MSH3: variants seen among roughly 807,000 people sequenced by gnomAD.
MSH3 encodes the protein mutS homolog 3, also known as DNA mismatch repair protein Msh3.
MSH3 carries 106 observed loss-of-function variants against 123.3 expected under a neutral mutation model. The ratio of observed to expected loss-of-function variants is 0.86; its 90% CI spans 0.73 to 1.01. MSH3 has a LOEUF of 1.01. Ranked by LOEUF, MSH3 falls within the 50% of genes least tolerant of loss-of-function variation. The probability of loss-of-function intolerance (pLI) is 0.00; values close to 1 mark genes in which losing one functional copy is unlikely to be tolerated. For missense variants in MSH3, 1,459 were observed against 1,347.6 expected (o/e 1.08, Z -1.29); for synonymous variants, 515 against 481.4 (o/e 1.07, Z -0.91).
intron 20 of MSH3, among the ~76,000 whole-genome samples, chr5:80,823,280 C>G (rs1045934385): frequency 1.3e-5 from 2 of 152,032 alleles, no homozygotes; most frequent in Non-Finnish European, 2.9e-5. Context: ...ACCTCCTCAC[C>G]CTCACAAACT....
intron 17 of MSH3, 120 bp downstream of exon 17, chr5:80,778,956 T>C: frequency 1.5e-6 from 1 of 671,902 alleles, no homozygotes; most frequent in Non-Finnish European, 2.6e-6. Context: ...AATAGTTGAG[T>C]ACATGTGTTC....
intron 19 of MSH3, among the ~76,000 whole-genome samples, chr5:80,800,367 G>C (rs1458270722): frequency 1.3e-5 from 2 of 152,208 alleles, no homozygotes; most frequent in African/African-American, 4.8e-5. Flanking sequence ...TTCCCAGTAG[G>C]CTCCAGAGTG....
At chr5:80,698,563 C>G (rs79036182) in intron 8 of MSH3, among the ~76,000 whole-genome samples, 29 of 152,184 alleles carry the variant, frequency 1.9e-4, no homozygotes, top group Non-Finnish European at 3.8e-4. Context: ...AGAGAGCGTG[C>G]TTTTCTTAGG....
chr5:80,776,941 C>CT (rs1163616283), intron 16 of MSH3, among the ~76,000 whole-genome samples: 5 of 119,026 alleles, frequency 4.2e-5, no homozygotes, highest in Middle Eastern at 4.7e-3. Context: ...TTTTTTTTTT[C>CT]TTTTTTTTAA....
intron 19 of MSH3, among the ~76,000 whole-genome samples, chr5:80,799,499 A>ATT (rs1744753802): frequency 2.8e-4 from 11 of 39,030 alleles, no homozygotes; most frequent in African/African-American, 1.1e-3. Flanking sequence ...GGAAGATAGC[A>ATT]CTTTTTTTTT....
At chr5:80,802,334 G>T (rs1328870653) in intron 19 of MSH3, among the ~76,000 whole-genome samples, 13 of 150,968 alleles carry the variant, frequency 8.6e-5, no homozygotes, top group Non-Finnish European at 1.6e-4. Flanking sequence ...TACCATAATT[G>T]CCTTAATATT....
At chr5:80,686,034 T>C (rs1407796947) in intron 8 of MSH3, among the ~76,000 whole-genome samples, 2 of 152,202 alleles carry the variant, frequency 1.3e-5, no homozygotes, top group Non-Finnish European at 2.9e-5. Flanking sequence ...ATTTCAGTTT[T>C]TTGAATGTTT....
At chr5:80,711,294 G>A (rs952220140) in intron 8 of MSH3, among the ~76,000 whole-genome samples, 1 of 152,166 alleles carries the variant, frequency 6.6e-6, no homozygotes, top group Non-Finnish European at 1.5e-5. Context: ...TTGCGGATAG[G>A]TCCTGGTGTG....
chr5:80,830,407 G>A (rs2112077575), intron 20 of MSH3, among the ~76,000 whole-genome samples: 1 of 152,314 alleles, frequency 6.6e-6, no homozygotes. Context: ...AAGAAAAACA[G>A]GATCAGAGAG....
intron 2 of MSH3, among the ~76,000 whole-genome samples, chr5:80,658,439 AGAC>A (rs1749347715): frequency 6.6e-6 from 1 of 152,232 alleles, no homozygotes. Flanking sequence ...AACTTAACTA[AGAC>A]CACATGGGGA....
chr5:80,663,175 T>G (rs1472695609), intron 2 of MSH3, among the ~76,000 whole-genome samples: 1 of 152,160 alleles, frequency 6.6e-6, no homozygotes, highest in African/African-American at 2.4e-5. Context: ...GAGGTCAAGG[T>G]TGGAAAAAGA....
chr5:80,674,282 A>T (rs925159294), intron 6 of MSH3, among the ~76,000 whole-genome samples: 21 of 151,242 alleles, frequency 1.4e-4, no homozygotes, highest in African/African-American at 4.8e-4. Flanking sequence ...CATCCCTGAG[A>T]TTTAGTTAAT....
chr5:80,783,668 A>G (rs1018833425), intron 17 of MSH3, among the ~76,000 whole-genome samples: 3 of 152,182 alleles, frequency 2.0e-5, no homozygotes, highest in African/African-American at 4.8e-5. Flanking sequence ...GCTGCTGAGT[A>G]GTAGCAAATT....
At chr5:80,829,369 G>A (rs1392037072) in intron 20 of MSH3, among the ~76,000 whole-genome samples, 2 of 152,106 alleles carry the variant, frequency 1.3e-5, no homozygotes, top group Non-Finnish European at 2.9e-5. Flanking sequence ...TTAGCTATAG[G>A]TTTTTTTGTG....
At chr5:80,838,717 AG>A (rs1745561618) in intron 20 of MSH3, among the ~76,000 whole-genome samples, 1 of 152,148 alleles carries the variant, frequency 6.6e-6, no homozygotes, top group Non-Finnish European at 1.5e-5. Flanking sequence ...TTTACAGACA[AG>A]GAAGCTACAA....
At position 80,767,961 on chromosome 5, in the gene MSH3, T is replaced by C; in HGVS notation, c.1925T>C (p.Val642Ala). Residue 642 changes from valine (V) to alanine (A), a missense_variant, in exon 14 of 24, where the codon GTC becomes GCC. Physicochemically the swap from Val to Ala is moderately conservative, Grantham distance 64. Coordinates refer to ENST00000265081, the MANE Select transcript of MSH3 (RefSeq NM_002439.5). ...TCTACCCAAGAGTTCTTCTTGATTG[T>C]CAAAACTTTATATCACCTAAAGTCA... ...KCSTQEFFLI[V>A]KTLYHLKSEF... The C allele has an allele frequency of 1.9e-6, 3 of 1,612,856 alleles. No individual in the cohort carries two copies. The highest frequency in any genetic ancestry group is 2.5e-6 in the Non-Finnish European group (3 of 1,178,924).
At chr5:80,849,056 A>G (rs557248194) in intron 20 of MSH3, among the ~76,000 whole-genome samples, 93 of 152,234 alleles carry the variant, frequency 6.1e-4, no homozygotes, top group African/African-American at 2.0e-3. Flanking sequence ...AATGGGAGAA[A>G]TTGGCCAAAA....
In MSH3 at chr5:80,768,129, C is replaced by A; in HGVS notation, c.2084+9C>A. 6.2e-7 allele frequency: 1 copy of A among 1,611,630 alleles called. No homozygotes were observed. The highest frequency in any genetic ancestry group is 8.5e-7 in the Non-Finnish European group (1 of 1,177,856). On this transcript the variant is annotated intron_variant, in intron 14 of 23. Coordinates refer to ENST00000265081, the MANE Select transcript of MSH3 (RefSeq NM_002439.5). ...AATGAACAAGCTGCCAAGTAAGTAC[C>A]AGACCCTGAATTCTTCCTTTTCACC...
chr5:80,677,903 C>T (rs997261507), intron 7 of MSH3, among the ~76,000 whole-genome samples: 14 of 152,140 alleles, frequency 9.2e-5, no homozygotes, highest in African/African-American at 3.4e-4. Flanking sequence ...CATGTGCATT[C>T]TTTCTAGTTT....
Sources: allele counts gnomAD v4.1 joint callset (sites outside exome capture counted in the v4.1 genomes callset), GRCh38; gene constraint gnomAD v4.1.1; transcripts MANE v1.5; gene names NCBI Gene and HGNC (gene_info 2026-07-23, HGNC 2026-07-21).